The following FHIT variants were observed in gnomAD, a reference collection of about 807,000 sequenced individuals.
The protein encoded by FHIT is fragile histidine triad diadenosine triphosphatase.
In FHIT, 19 loss-of-function variants were observed where a neutral mutation model predicts 17.9. The observed-to-expected ratio is 1.06, with a 90% CI of 0.74 to 1.56. FHIT has a LOEUF of 1.56. Among genes scored for constraint, FHIT ranks in the 40% most tolerant of loss-of-function variants. The pLI is 0.00. For missense variants in FHIT, 248 were observed against 189.2 expected (o/e 1.31, Z -1.82); for synonymous variants, 81 against 69.7 (o/e 1.16, Z -0.81).
At chr3:60,757,216 T>C (rs1249623996) in intron 4 of FHIT, among the ~76,000 whole-genome samples, 11 of 152,210 alleles carry the variant, frequency 7.2e-5, no homozygotes, top group Admixed American at 6.5e-4. Flanking sequence ...AATGGGAAGA[T>C]ATTTTCATTG....
chr3:60,112,500 G>A (rs560722544), intron 5 of FHIT, among the ~76,000 whole-genome samples: 2 of 152,108 alleles, frequency 1.3e-5, no homozygotes, highest in Admixed American at 6.5e-5. Flanking sequence ...AGAAAAACAC[G>A]ACTGCAGGGA....
chr3:61,091,197 C>T (rs916926490), intron 2 of FHIT, among the ~76,000 whole-genome samples: 5 of 151,998 alleles, frequency 3.3e-5, no homozygotes, highest in African/African-American at 4.8e-5. Context: ...CCCACTCTTG[C>T]GATAAAAAAA....
intron 7 of FHIT, among the ~76,000 whole-genome samples, chr3:59,959,516 A>G (rs529761560): frequency 1.3e-5 from 2 of 152,338 alleles, no homozygotes; most frequent in East Asian, 3.9e-4. Flanking sequence ...TGGCAATACT[A>G]TAGGAGGTAA....
At chr3:61,209,402 T>C (rs1195895062) in intron 1 of FHIT, among the ~76,000 whole-genome samples, 1 of 152,266 alleles carries the variant, frequency 6.6e-6, no homozygotes, top group Admixed American at 6.5e-5. Flanking sequence ...AATGATATCC[T>C]GCAGAGTGTT....
At chr3:61,250,768 CA>C (rs2040603116) in intron 1 of FHIT, among the ~76,000 whole-genome samples, 2 of 152,280 alleles carry the variant, frequency 1.3e-5, no homozygotes, top group Admixed American at 6.5e-5. Context: ...AGTTCTCCCA[CA>C]ACAATAAATT....
rs1699644996 is a variant in FHIT, at chr3:60,356,188, G to T, written c.103+180672C>A. Among the ~76,000 whole-genome samples, 5 of 152,288 alleles carry T rather than the reference G, an allele frequency of 3.3e-5. No individual in the cohort carries two copies. The South Asian group carries it at 1.0e-3, about 32-fold the overall frequency. On this transcript the variant is annotated intron_variant, in intron 5 of 9. Coordinates refer to ENST00000492590, the MANE Select transcript of FHIT (RefSeq NM_002012.4). ...TCAGGAAGGATATTTACCAAGTCTT[G>T]GGATTTGCTGTATCAGCCTATAACA...
At chr3:60,610,899 G>A (rs971945051) in intron 4 of FHIT, among the ~76,000 whole-genome samples, 4 of 152,124 alleles carry the variant, frequency 2.6e-5, no homozygotes, top group Non-Finnish European at 5.9e-5. Context: ...GCAGCAGGCC[G>A]ACCCTGGCTC....
intron 5 of FHIT, among the ~76,000 whole-genome samples, chr3:60,218,564 A>C (rs1024387367): frequency 3.3e-5 from 5 of 152,156 alleles, no homozygotes; most frequent in African/African-American, 1.2e-4. Flanking sequence ...CAAGGCAAAG[A>C]TTCTTGAAAA....
chr3:61,130,811 A>G lies in FHIT; in HGVS notation c.-164+69806T>C, dbSNP rs1039974061. ...AGGTTGTTGAGTACAGACGAAAAGAACCAGGAGACCAGTGGTGACAGAGGA... is the reference window on the plus strand; with the variant it reads ...AGGTTGTTGAGTACAGACGAAAAGAGCCAGGAGACCAGTGGTGACAGAGGA... On this transcript the variant is annotated intron_variant, in intron 2 of 9. Coordinates refer to ENST00000492590, the MANE Select transcript of FHIT (RefSeq NM_002012.4). Among the ~76,000 whole-genome samples the G allele has an allele frequency of 5.3e-5, 8 of 152,304 alleles. No individual in the cohort carries two copies. In the South Asian group the frequency reaches 8.3e-4, roughly 16 times the overall value.
intron 3 of FHIT, among the ~76,000 whole-genome samples, chr3:60,929,016 C>T (rs1417864315): frequency 3.9e-5 from 6 of 152,172 alleles, no homozygotes; most frequent in Non-Finnish European, 8.8e-5. Flanking sequence ...GCTTATCCAC[C>T]ATGATCAAGT....
intron 5 of FHIT, among the ~76,000 whole-genome samples, chr3:60,328,013 A>G (rs1709782749): frequency 6.6e-6 from 1 of 152,194 alleles, no homozygotes; most frequent in African/African-American, 2.4e-5. Flanking sequence ...AGGACTATCA[A>G]TGTCAAATGT....
chr3:60,118,641 G>A (rs1705092600), intron 5 of FHIT, among the ~76,000 whole-genome samples: 1 of 151,886 alleles, frequency 6.6e-6, no homozygotes, highest in Non-Finnish European at 1.5e-5. Flanking sequence ...AATAAGAAAC[G>A]AATGCTAATA....
intron 2 of FHIT, among the ~76,000 whole-genome samples, chr3:61,131,898 T>C (rs774225906): frequency 7.2e-5 from 11 of 152,142 alleles, no homozygotes; most frequent in Non-Finnish European, 1.5e-4. Context: ...AGGGTACCAA[T>C]CTAAGAGGGT....
At chr3:60,366,548 C>T (rs1485507634) in intron 5 of FHIT, among the ~76,000 whole-genome samples, 4 of 152,248 alleles carry the variant, frequency 2.6e-5, no homozygotes, top group Non-Finnish European at 4.4e-5. Flanking sequence ...GGTTATGGTG[C>T]TCTACCCTCA....
intron 5 of FHIT, among the ~76,000 whole-genome samples, chr3:60,181,924 T>G (rs1344836915): frequency 6.6e-6 from 1 of 152,170 alleles, no homozygotes; most frequent in African/African-American, 2.4e-5. Context: ...GCAATCACCT[T>G]ATGCATGATG....
intron 5 of FHIT, among the ~76,000 whole-genome samples, chr3:60,186,052 T>A (rs1702144975): frequency 6.6e-6 from 1 of 152,222 alleles, no homozygotes; most frequent in Non-Finnish European, 1.5e-5. Context: ...TGGATACAAG[T>A]CCTTTATCAG....
intron 1 of FHIT, among the ~76,000 whole-genome samples, chr3:61,211,107 C>G (rs2039453114): frequency 6.6e-6 from 1 of 151,914 alleles, no homozygotes. Flanking sequence ...GCATTTCCAT[C>G]TGAGGTACCA....
Position 59,984,933 on chromosome 3 carries a change from C to T in FHIT, c.279+26438G>A, listed in dbSNP as rs1031879156. ...GCAGGGTCAGCAGTATTGGGCTTCA[C>T]CATTACTAAGCCAGGTGTGTTGAGG... On this transcript the variant is annotated intron_variant, in intron 7 of 9. Coordinates refer to ENST00000492590, the MANE Select transcript of FHIT (RefSeq NM_002012.4). Among the ~76,000 whole-genome samples the T allele has an allele frequency of 2.0e-5, 3 of 152,052 alleles. No individual in the cohort carries two copies. The South Asian group carries it at 6.2e-4, about 32-fold the overall frequency.
chr3:61,088,923 T>C (rs1356476642), intron 2 of FHIT, among the ~76,000 whole-genome samples: 1 of 151,886 alleles, frequency 6.6e-6, no homozygotes, highest in African/African-American at 2.4e-5. Context: ...GTGTGGGAAA[T>C]GGTTGAGAGT....
Sources: allele counts gnomAD v4.1 joint callset (sites outside exome capture counted in the v4.1 genomes callset), GRCh38; gene constraint gnomAD v4.1.1; transcripts MANE v1.5; gene names NCBI Gene and HGNC (gene_info 2026-07-23, HGNC 2026-07-21).